Variants in LUC7L2 observed in about 807,000 individuals in gnomAD.
The protein encoded by LUC7L2 is putative RNA-binding protein Luc7-like 2.
A neutral mutation model predicts 52.8 loss-of-function variants in LUC7L2; 25 were observed. The ratio of observed to expected loss-of-function variants is 0.47; its 90% CI spans 0.34 to 0.66. The LOEUF is 0.66. Among genes scored for constraint, LUC7L2 ranks in the 30% least tolerant of loss-of-function variants. LUC7L2 has a pLI of 0.01. For missense variants in LUC7L2, 328 were observed against 497.8 expected, an observed-to-expected ratio of 0.66 and a Z score of 3.25; for synonymous variants, 144 against 160.9, an observed-to-expected ratio of 0.89 and a Z score of 0.80.
chr7:139,395,115 GT>G (rs1794602984), intron 2 of LUC7L2, among the ~76,000 whole-genome samples: 1 of 152,210 alleles, frequency 6.6e-6, no homozygotes, highest in Non-Finnish European at 1.5e-5. Flanking sequence ...GTAGCATCAT[GT>G]GAACAGCTAT....
intron 1 of LUC7L2, among the ~76,000 whole-genome samples, chr7:139,363,634 G>T (rs532587200): frequency 1.3e-5 from 2 of 152,092 alleles, no homozygotes; most frequent in African/African-American, 4.8e-5. Flanking sequence ...GATTCATTAC[G>T]TTTTATAAAT....
At chr7:139,374,840 T>C (rs1800624676) in intron 1 of LUC7L2, 1 of 1,014,250 alleles carries the variant, frequency 9.9e-7, no homozygotes, top group African/African-American at 1.7e-5. Context: ...TATATGACCA[T>C]ATGAAGGGGT....
chr7:139,364,848 C>G (rs1382286938), intron 1 of LUC7L2, among the ~76,000 whole-genome samples: 1 of 152,188 alleles, frequency 6.6e-6, no homozygotes, highest in Non-Finnish European at 1.5e-5. Flanking sequence ...AAAACATTTT[C>G]TCTTAATTTT....
At position 139,359,934 on chromosome 7, in the gene LUC7L2, C is replaced by G; in HGVS notation, c.-328C>G. The stretch of plus-strand genomic sequence containing the variant: ...ACGGTGGCGGCGAGCGGCGTCAGAG[C>G]TTGAGGGGGGGTTGACGGCTTCTGG... On this transcript the variant is annotated 5_prime_UTR_variant, in exon 1 of 10. Coordinates refer to ENST00000354926, the MANE Select transcript of LUC7L2 (RefSeq NM_016019.5). 1 of 421,750 alleles carries G rather than the reference C, an allele frequency of 2.4e-6. No individual in the cohort carries two copies. The highest frequency in any genetic ancestry group is 2.0e-5 in the African/African-American group (1 of 48,812). The allele number at this position is 421,750 out of a possible 1,614,324, so 26.1% of individuals were successfully genotyped here. A position where few individuals can be genotyped will look rare whatever the true frequency, so the allele number is the denominator to read the frequency against.
chr7:139,368,209 T>C (rs1800262458), intron 1 of LUC7L2, among the ~76,000 whole-genome samples: 1 of 152,250 alleles, frequency 6.6e-6, no homozygotes. Context: ...GCTTTAGTTA[T>C]ATCTTTATTT....
intron 3 of LUC7L2, 85 bp downstream of exon 3, chr7:139,398,782 ACT>A: frequency 2.3e-6 from 3 of 1,291,914 alleles, no homozygotes; most frequent in Non-Finnish European, 3.2e-6. Context: ...AATAGGAAAA[ACT>A]CTTAGCAGTT....
At chr7:139,419,257 T>G (rs542682599) in intron 9 of LUC7L2, among the ~76,000 whole-genome samples, 2 of 152,222 alleles carry the variant, frequency 1.3e-5, no homozygotes, top group South Asian at 4.1e-4. Context: ...GAATAAATGA[T>G]CCGAGAGTTT....
intron 2 of LUC7L2, among the ~76,000 whole-genome samples, chr7:139,381,967 C>G (rs558537728): frequency 6.6e-6 from 1 of 150,966 alleles, no homozygotes; most frequent in South Asian, 2.1e-4. Flanking sequence ...TCACTGCAAC[C>G]TCAGCCTCCC....
chr7:139,341,468 C>T (rs1408301753), intron 1 of LUC7L2: 6 of 1,613,668 alleles, frequency 3.7e-6, no homozygotes, highest in Non-Finnish European at 5.1e-6. Context: ...CCGGCCGACC[C>T]TATCGCGACA....
At chr7:139,404,299 C>G (rs547168771) in intron 4 of LUC7L2, among the ~76,000 whole-genome samples, 1 of 152,162 alleles carries the variant, frequency 6.6e-6, no homozygotes, top group African/African-American at 2.4e-5. Flanking sequence ...CACTTAAGGT[C>G]AGGAGTTTGA....
At chr7:139,346,499 G>A in intron 1 of LUC7L2, among the ~76,000 whole-genome samples, 1 of 152,122 alleles carries the variant, frequency 6.6e-6, no homozygotes, top group East Asian at 1.9e-4. Flanking sequence ...ACTCAAATAG[G>A]GACATTGAGG....
chr7:139,362,928 C>T (rs913761095), intron 1 of LUC7L2, among the ~76,000 whole-genome samples: 1 of 152,142 alleles, frequency 6.6e-6, no homozygotes, highest in East Asian at 1.9e-4. Context: ...ATTACCTAAA[C>T]TTCACTGGAA....
intron 2 of LUC7L2, among the ~76,000 whole-genome samples, chr7:139,383,204 C>G (rs1249341467): frequency 6.6e-6 from 1 of 151,972 alleles, no homozygotes; most frequent in Non-Finnish European, 1.5e-5. Context: ...CAACCTCTGC[C>G]TCCCAGGTTC....
At chr7:139,396,873 T>A (rs1794685070) in intron 2 of LUC7L2, among the ~76,000 whole-genome samples, 1 of 152,238 alleles carries the variant, frequency 6.6e-6, no homozygotes, top group African/African-American at 2.4e-5. Context: ...ACCTACTTAT[T>A]TGTAAATTTA....
chr7:139,357,877 G>C (rs190431171), upstream of LUC7L2, among the ~76,000 whole-genome samples: 2 of 151,968 alleles, frequency 1.3e-5, no homozygotes, highest in Admixed American at 1.3e-4. Context: ...ATTTTTAGTA[G>C]AGACAGGGTT....
At chr7:139,377,321 C>T (rs1354211906) in intron 2 of LUC7L2, among the ~76,000 whole-genome samples, 3 of 152,228 alleles carry the variant, frequency 2.0e-5, no homozygotes, top group Non-Finnish European at 4.4e-5. Flanking sequence ...TCTCCTGCCT[C>T]AGCCTCCGGT....
chr7:139,345,441 T>A, intron 1 of LUC7L2: 1 of 1,598,926 alleles, frequency 6.3e-7, no homozygotes, highest in African/African-American at 1.3e-5. Context: ...TTATTAAATC[T>A]TTCTCTGTGG....
chr7:139,376,343 G>A (rs953950275), intron 2 of LUC7L2, among the ~76,000 whole-genome samples, 187 bp downstream of exon 2: 6 of 152,066 alleles, frequency 3.9e-5, no homozygotes, highest in Non-Finnish European at 8.8e-5. Flanking sequence ...TGGTTGATAC[G>A]TTTTGTTTTA....
At chr7:139,394,196 C>T (rs1440154450) in intron 2 of LUC7L2, among the ~76,000 whole-genome samples, 1 of 152,212 alleles carries the variant, frequency 6.6e-6, no homozygotes, top group African/African-American at 2.4e-5. Flanking sequence ...TTCATCTTGA[C>T]CACTCTGGCT....
Sources: gnomAD v4.1 joint callset for allele counts (sites outside exome capture counted in the v4.1 genomes callset) on GRCh38, gnomAD v4.1.1 for gene constraint, MANE v1.5 for transcripts, NCBI Gene and HGNC (gene_info 2026-07-23, HGNC 2026-07-21) for gene names.